Variants in LPP observed in about 807,000 individuals in gnomAD.
LPP encodes the protein lipoma-preferred partner.
In LPP, 38 loss-of-function variants were observed where a neutral mutation model predicts 60.4. The observed-to-expected ratio is 0.63, with a 90% CI of 0.49 to 0.83. The LOEUF is 0.83. Among genes scored for constraint, LPP ranks in the 40% least tolerant of loss-of-function variants. LPP has a pLI of 0.00. For missense variants in LPP, 902 were observed against 783.6 expected (o/e 1.15, Z -1.80); for synonymous variants, 328 against 290.8 (o/e 1.13, Z -1.30).
chr3:188,542,404 A>G (rs1451039786), intron 6 of LPP, among the ~76,000 whole-genome samples: 4 of 152,188 alleles, frequency 2.6e-5, no homozygotes, highest in Admixed American at 2.6e-4. Context: ...AGCTAGGGTA[A>G]ATATTGACTT....
chr3:188,379,650 A>C (rs1371552293), intron 3 of LPP, among the ~76,000 whole-genome samples: 2 of 152,242 alleles, frequency 1.3e-5, no homozygotes, highest in Non-Finnish European at 2.9e-5. Context: ...TGGACATTTT[A>C]TATAAATGTC....
chr3:188,866,889 T>C lies in LPP; in HGVS notation c.1589+511T>C, dbSNP rs546179068. Among the ~76,000 whole-genome samples the C allele has an allele frequency of 2.0e-5, 3 of 152,310 alleles. No individual in the cohort carries two copies. The East Asian group carries it at 5.8e-4, about 29-fold the overall frequency. ...GACACAGAGAACCATTCAGTTTCTTTTACTAATGCAAGCCTCTCACATATT... is the reference window on the plus strand; with the variant it reads ...GACACAGAGAACCATTCAGTTTCTTCTACTAATGCAAGCCTCTCACATATT... On this transcript the variant is annotated intron_variant, in intron 10 of 11. Transcript: ENST00000617246.
intron 4 of LPP, among the ~76,000 whole-genome samples, chr3:188,416,990 C>T (rs531681620): frequency 9.9e-5 from 15 of 152,134 alleles, no homozygotes; most frequent in South Asian, 8.3e-4. Flanking sequence ...CCTAGAATAA[C>T]GATTAACCTA....
At chr3:188,868,558 G>T (rs1475804337) in intron 10 of LPP, among the ~76,000 whole-genome samples, 1 of 152,198 alleles carries the variant, frequency 6.6e-6, no homozygotes, top group African/African-American at 2.4e-5. Context: ...TGTAGGGAGA[G>T]AAGTTTTTTG....
At chr3:188,592,546 G>GTTTTTTTTT (rs1553936323) in intron 6 of LPP, among the ~76,000 whole-genome samples, 1 of 98,368 alleles carries the variant, frequency 1.0e-5, no homozygotes, top group African/African-American at 3.4e-5. Flanking sequence ...ACTGTTTTTA[G>GTTTTTTTTT]TTTTGTTTTT....
chr3:188,242,973 T>A (rs1725520528), intron 2 of LPP, among the ~76,000 whole-genome samples: 2 of 152,100 alleles, frequency 1.3e-5, no homozygotes, highest in African/African-American at 4.8e-5. Context: ...AGAATTTGAG[T>A]ATAAAAAAGA....
chr3:188,241,578 C>T (rs1724852179), intron 2 of LPP, among the ~76,000 whole-genome samples: 1 of 152,146 alleles, frequency 6.6e-6, no homozygotes, highest in African/African-American at 2.4e-5. Context: ...TCATGTGAGA[C>T]CGTGTTATAA....
intron 1 of LPP, among the ~76,000 whole-genome samples, chr3:188,192,193 G>A (rs773444441): frequency 9.2e-5 from 14 of 152,258 alleles, no homozygotes; most frequent in Non-Finnish European, 1.5e-4. Context: ...AGAGGAGGTA[G>A]CGATTAGAAA....
chr3:188,170,900 A>G (rs766484028), intron 1 of LPP, among the ~76,000 whole-genome samples: 1 of 152,228 alleles, frequency 6.6e-6, no homozygotes, highest in Non-Finnish European at 1.5e-5. Flanking sequence ...AGCAGATGGA[A>G]CATGCTAGAT....
At chr3:188,202,607 G>C (rs1560106112) in intron 1 of LPP, among the ~76,000 whole-genome samples, 1 of 152,204 alleles carries the variant, frequency 6.6e-6, no homozygotes, top group Non-Finnish European at 1.5e-5. Context: ...AGTTGATCCT[G>C]GGGAGTGGCT....
At chr3:188,769,330 G>T (rs927796703) in intron 9 of LPP, among the ~76,000 whole-genome samples, 4 of 152,114 alleles carry the variant, frequency 2.6e-5, no homozygotes, top group African/African-American at 9.7e-5. Flanking sequence ...TCCTTTGCTA[G>T]TGGTATTTAT....
At chr3:188,167,595 T>TTG (rs1384330233) in intron 1 of LPP, among the ~76,000 whole-genome samples, 2 of 151,580 alleles carry the variant, frequency 1.3e-5, no homozygotes, top group South Asian at 2.1e-4. Flanking sequence ...GTGTTGTTTT[T>TTG]TTTTTTTTTT....
At chr3:188,375,565 A>C (rs1774777402) in intron 3 of LPP, among the ~76,000 whole-genome samples, 1 of 151,896 alleles carries the variant, frequency 6.6e-6, no homozygotes, top group African/African-American at 2.4e-5. Context: ...CCCCTTTATC[A>C]TTTTTTATTG....
chr3:188,594,394 C>T (rs1342234295), intron 6 of LPP, among the ~76,000 whole-genome samples: 1 of 152,140 alleles, frequency 6.6e-6, no homozygotes, highest in African/African-American at 2.4e-5. Context: ...GAACTCAGCT[C>T]TCTGTTTAAA....
intron 9 of LPP, among the ~76,000 whole-genome samples, chr3:188,762,142 T>G (rs370395850): frequency 6.6e-6 from 1 of 152,226 alleles, no homozygotes; most frequent in Non-Finnish European, 1.5e-5. Context: ...CTTGAAATCA[T>G]ATAGACAGTA....
At chr3:188,179,130 T>A in intron 1 of LPP, 3 of 356,448 alleles carry the variant, frequency 8.4e-6, no homozygotes, top group South Asian at 2.0e-5. Context: ...TTGAGAGCAT[T>A]GATATGGGGT....
chr3:188,503,716 C>T (rs569610440), intron 5 of LPP, among the ~76,000 whole-genome samples: 14 of 149,756 alleles, frequency 9.3e-5, no homozygotes, highest in African/African-American at 2.5e-4. Flanking sequence ...ATGTAGGATT[C>T]GTGGTTGATA....
chr3:188,395,866 A>T (rs1290200740), intron 3 of LPP, among the ~76,000 whole-genome samples: 1 of 152,136 alleles, frequency 6.6e-6, no homozygotes, highest in Non-Finnish European at 1.5e-5. Context: ...GTGAGCCATG[A>T]TGGTACCACT....
chr3:188,648,384 A>G (rs1288293640), intron 7 of LPP, among the ~76,000 whole-genome samples: 1 of 152,266 alleles, frequency 6.6e-6, no homozygotes, highest in East Asian at 1.9e-4. Flanking sequence ...CATAATGCCA[A>G]ATCAGGATGG....
Sources: allele counts gnomAD v4.1 joint callset (sites outside exome capture counted in the v4.1 genomes callset), GRCh38; gene constraint gnomAD v4.1.1; transcripts MANE v1.5; gene names NCBI Gene and HGNC (gene_info 2026-07-23, HGNC 2026-07-21).